Variants in PRKG1 observed in about 807,000 individuals in gnomAD.
The protein encoded by PRKG1 is protein kinase cGMP-dependent 1, also known as cGMP-dependent protein kinase 1.
In PRKG1, 35 loss-of-function variants were observed where a neutral mutation model predicts 88.1. That is an observed-to-expected ratio of 0.40 (90% CI 0.30 to 0.53). The LOEUF (loss-of-function observed/expected upper bound fraction) is 0.53. PRKG1 is among the 20% of genes least tolerant of loss of function. The pLI is 0.59. For missense variants in PRKG1, 540 were observed against 839.8 expected (o/e 0.64, Z 4.41); for synonymous variants, 303 against 292.5 (o/e 1.04, Z -0.37).
At chr10:51,687,596 T>C (rs1013261608) in intron 3 of PRKG1, among the ~76,000 whole-genome samples, 3 of 152,182 alleles carry the variant, frequency 2.0e-5, no homozygotes, top group African/African-American at 7.2e-5. Flanking sequence ...CCTATCTGGA[T>C]AGTATATCCT....
At chr10:52,221,082 A>G (rs2132824181) in intron 9 of PRKG1, among the ~76,000 whole-genome samples, 1 of 152,202 alleles carries the variant, frequency 6.6e-6, no homozygotes, top group Admixed American at 6.6e-5. Flanking sequence ...TGACTTTTTA[A>G]AAATAGCCAT....
At chr10:51,661,938 G>A (rs1840310360) in intron 3 of PRKG1, among the ~76,000 whole-genome samples, 2 of 152,256 alleles carry the variant, frequency 1.3e-5, no homozygotes, top group African/African-American at 4.8e-5. Context: ...GGACATGGAT[G>A]AAGCTGGAAA....
At chr10:52,066,590 G>C (rs867748227) in intron 7 of PRKG1, among the ~76,000 whole-genome samples, 6 of 152,226 alleles carry the variant, frequency 3.9e-5, no homozygotes, top group South Asian at 4.2e-4. Context: ...TTGACCATGG[G>C]GGGCAGGCTA....
chr10:52,281,587 A>T (rs1418650367), intron 13 of PRKG1, among the ~76,000 whole-genome samples: 1 of 152,110 alleles, frequency 6.6e-6, no homozygotes, highest in African/African-American at 2.4e-5. Context: ...TCTGCAGTCG[A>T]CACTCTTCCT....
intron 1 of PRKG1, among the ~76,000 whole-genome samples, chr10:51,144,225 G>C (rs1845886822): frequency 6.6e-6 from 1 of 151,986 alleles, no homozygotes; most frequent in Admixed American, 6.6e-5. Context: ...AGAGATAAAT[G>C]AGTGGAACAT....
chr10:52,143,370 C>T (rs1375829050), intron 8 of PRKG1, among the ~76,000 whole-genome samples: 1 of 152,178 alleles, frequency 6.6e-6, no homozygotes, highest in African/African-American at 2.4e-5. Flanking sequence ...TGTTTGGCAG[C>T]ATCCTGACCT....
At chr10:51,187,689 T>C (rs1346813882) in intron 2 of PRKG1, among the ~76,000 whole-genome samples, 2 of 152,074 alleles carry the variant, frequency 1.3e-5, no homozygotes, top group Non-Finnish European at 1.5e-5. Flanking sequence ...ATTATCAATA[T>C]TGTGAATTTC....
intron 3 of PRKG1, among the ~76,000 whole-genome samples, chr10:51,610,602 A>C (rs941516470): frequency 6.6e-6 from 1 of 152,164 alleles, no homozygotes; most frequent in East Asian, 1.9e-4. Flanking sequence ...AATACTATTC[A>C]CAATAGCAAA....
rs1269745993 is a variant in PRKG1 at position 52,296,437 on chromosome 10, A to G, written c.*2537A>G. ...AAACTACATCTTCCAAGATGTACCA[A>G]CAGAAAACATTCGTCTAATTTTGTC... is the stretch of plus-strand genomic sequence containing the variant. On this transcript the variant is annotated 3_prime_UTR_variant, in exon 18 of 18. Transcript: ENST00000373980. 1.3e-5 allele frequency: 2 copies of G among 152,084 alleles called. No homozygotes were observed. The highest frequency in any genetic ancestry group is 3.8e-4 in the East Asian group (2 of 5,204). 9.4% of individuals were successfully genotyped at this position (152,084 alleles called of 1,614,324 possible). A position where few individuals can be genotyped will look rare whatever the true frequency, so the allele number is the denominator to read the frequency against.
chr10:51,662,485 G>A (rs1377978162), intron 3 of PRKG1, among the ~76,000 whole-genome samples: 3 of 152,006 alleles, frequency 2.0e-5, no homozygotes, highest in Non-Finnish European at 4.4e-5. Context: ...AAAACATATG[G>A]TATAAGACTT....
At chr10:51,010,967 C>T (rs73334849) in intron 1 of PRKG1, among the ~76,000 whole-genome samples, 3,900 of 152,212 alleles carry the variant, frequency 0.026, 67 homozygotes, top group East Asian at 0.042. Context: ...GATTTTTCTC[C>T]TGCCTGAATG....
At chr10:51,270,513 T>C (rs985436439) in intron 2 of PRKG1, among the ~76,000 whole-genome samples, 1 of 152,126 alleles carries the variant, frequency 6.6e-6, no homozygotes, top group South Asian at 2.1e-4. Context: ...GTTCATAACA[T>C]GAATTGGAGG....
chr10:52,291,186 G>T (rs1842233099), intron 17 of PRKG1, among the ~76,000 whole-genome samples: 1 of 151,404 alleles, frequency 6.6e-6, no homozygotes, highest in South Asian at 2.1e-4. Context: ...GCCTCCCAAG[G>T]GTTGGGATTA....
intron 5 of PRKG1, among the ~76,000 whole-genome samples, chr10:52,009,791 C>T (rs1844835344): frequency 7.9e-5 from 12 of 152,082 alleles, no homozygotes; most frequent in Admixed American, 7.9e-4. Context: ...GCAACAGTAA[C>T]CAAAACAGCA....
At chr10:51,970,745 A>G (rs113189929) in intron 5 of PRKG1, among the ~76,000 whole-genome samples, 1 of 146,368 alleles carries the variant, frequency 6.8e-6, no homozygotes, top group African/African-American at 2.5e-5. Flanking sequence ...GATTATATAT[A>G]TATATCAGAT....
chr10:51,116,486 A>G (rs1442560187), intron 1 of PRKG1, among the ~76,000 whole-genome samples: 1 of 152,190 alleles, frequency 6.6e-6, no homozygotes, highest in Non-Finnish European at 1.5e-5. Flanking sequence ...AACAGTATTC[A>G]TGTATCATGG....
chr10:52,077,474 G>A (rs1273048011), intron 7 of PRKG1, among the ~76,000 whole-genome samples: 2 of 151,890 alleles, frequency 1.3e-5, no homozygotes, highest in Admixed American at 1.3e-4. Flanking sequence ...GATTATAAAG[G>A]GATACTAATA....
intron 3 of PRKG1, among the ~76,000 whole-genome samples, chr10:51,657,855 A>G (rs1840200086): frequency 6.6e-6 from 1 of 152,150 alleles, no homozygotes; most frequent in South Asian, 2.1e-4. Flanking sequence ...GCAGAATTAT[A>G]TCTTCCCTCT....
chr10:52,225,767 T>G (rs1419371661), intron 9 of PRKG1, among the ~76,000 whole-genome samples: 1 of 152,146 alleles, frequency 6.6e-6, no homozygotes, highest in Non-Finnish European at 1.5e-5. Flanking sequence ...TTTATCTTTT[T>G]GTTTGCTTTC....
Sources: gnomAD v4.1 joint callset for allele counts (sites outside exome capture counted in the v4.1 genomes callset) on GRCh38, gnomAD v4.1.1 for gene constraint, MANE v1.5 for transcripts, NCBI Gene and HGNC (gene_info 2026-07-23, HGNC 2026-07-21) for gene names.